The following DCDC2C variants were observed in gnomAD, a reference collection of about 807,000 sequenced individuals.
DCDC2C encodes the protein doublecortin domain containing 2C.
In DCDC2C, 44 loss-of-function variants were observed where a neutral mutation model predicts 45.0. The ratio of observed to expected loss-of-function variants is 0.98; its 90% CI spans 0.77 to 1.26. The LOEUF (loss-of-function observed/expected upper bound fraction) is 1.26. DCDC2C is among the 50% of genes most tolerant of loss of function. DCDC2C has a pLI of 0.00. For missense variants in DCDC2C, 447 were observed against 468.9 expected (o/e 0.95, Z 0.43); for synonymous variants, 187 against 178.8 (o/e 1.05, Z -0.37).
intron 10 of DCDC2C, among the ~76,000 whole-genome samples, chr2:3,819,984 G>C (rs1572640746): frequency 6.6e-6 from 1 of 152,276 alleles, no homozygotes; most frequent in South Asian, 2.1e-4. Flanking sequence ...GGAGGCAAGA[G>C]GTCAGATGGG....
intron 10 of DCDC2C, among the ~76,000 whole-genome samples, chr2:3,815,294 G>T (rs982823767): frequency 6.6e-6 from 1 of 152,200 alleles, no homozygotes; most frequent in African/African-American, 2.4e-5. Flanking sequence ...CCCCTGCCCT[G>T]TGTGGCTCTC....
At chr2:3,835,581 TG>T (rs141843521) in intron 10 of DCDC2C, among the ~76,000 whole-genome samples, 341 of 152,346 alleles carry the variant, frequency 2.2e-3, no homozygotes, top group African/African-American at 7.9e-3. Context: ...TAATCATTTT[TG>T]AATATTTGAG....
At chr2:3,754,475 C>T (rs2038002804) in intron 5 of DCDC2C, 117 bp from the exon 6 acceptor site, 2 of 951,938 alleles carry the variant, frequency 2.1e-6, no homozygotes, top group South Asian at 3.4e-5. Context: ...CCTCTGTGGA[C>T]AGCTTGCTCC....
chr2:3,772,685 A>ACTTTT (rs10649965), intron 8 of DCDC2C, among the ~76,000 whole-genome samples: 72,628 of 151,782 alleles, frequency 0.48, 17,616 homozygotes, highest in East Asian at 0.67. Context: ...GAATGTTCTC[A>ACTTTT]CTTGTTCAGC....
chr2:3,766,629 C>T (rs1330965954), intron 6 of DCDC2C, among the ~76,000 whole-genome samples: 1 of 152,102 alleles, frequency 6.6e-6, no homozygotes, highest in Non-Finnish European at 1.5e-5. Context: ...AGATTGAAAA[C>T]CTGGCAGTTT....
chr2:3,834,723 C>G (rs1378830559), intron 10 of DCDC2C, among the ~76,000 whole-genome samples: 3 of 152,158 alleles, frequency 2.0e-5, no homozygotes, highest in Non-Finnish European at 4.4e-5. Context: ...AAGCAAGTGA[C>G]TAGTTGCCGG....
Position 3,774,637 on chromosome 2 carries a change from C to T in DCDC2C, c.955-4179C>T, listed in dbSNP as rs1201907815. On this transcript the variant is annotated intron_variant, in intron 8 of 10. Coordinates refer to ENST00000399143, the MANE Select transcript of DCDC2C (RefSeq NM_001287444.2). ...AAAGCTGCCGCGTGTCTATGCCTCT[C>T]TTGTCCCTAGCCAGGGAGAGGTGAT... Among the ~76,000 whole-genome samples the T allele has an allele frequency of 2.6e-5, 4 of 152,246 alleles. No homozygotes were observed. The East Asian group carries it at 7.7e-4, about 29-fold the overall frequency.
intron 10 of DCDC2C, among the ~76,000 whole-genome samples, chr2:3,846,170 GTCA>G (rs1672323938): frequency 6.7e-6 from 1 of 149,008 alleles, no homozygotes; most frequent in South Asian, 2.1e-4. Flanking sequence ...CTTCTTCTTC[GTCA>G]TCTTCTTCCT....
chr2:3,747,284 C>T (rs956968753), intron 4 of DCDC2C, among the ~76,000 whole-genome samples: 2 of 152,128 alleles, frequency 1.3e-5, no homozygotes, highest in Non-Finnish European at 2.9e-5. Context: ...ATCGTGGGCA[C>T]AAATGTCCCT....
At chr2:3,794,688 C>T (rs1405181256) in intron 10 of DCDC2C, among the ~76,000 whole-genome samples, 1 of 152,230 alleles carries the variant, frequency 6.6e-6, no homozygotes, top group African/African-American at 2.4e-5. Flanking sequence ...CTACAAAGGA[C>T]ATGAACTCAT....
At position 3,786,778 on chromosome 2, in the gene DCDC2C, T is replaced by G. The variant is rs1325238532; in HGVS notation, c.1065+1678T>G. 3.3e-5 allele frequency among the ~76,000 whole-genome samples: 5 copies of G among 152,376 alleles called. No homozygotes were observed. The South Asian group carries it at 1.0e-3, about 32-fold the overall frequency. ...GCTGGAGGAGCGCTAAATTCCTGTT[T>G]TAGCTTTTCCACTAACTTGCTAGGT... On this transcript the variant is annotated intron_variant, in intron 10 of 10. Transcript: ENST00000399143.
intron 10 of DCDC2C, among the ~76,000 whole-genome samples, chr2:3,817,867 T>C (rs1049329723): frequency 2.0e-5 from 3 of 152,154 alleles, no homozygotes; most frequent in African/African-American, 7.2e-5. Context: ...GTTTATATAA[T>C]GGTTTAGTCA....
At chr2:3,716,455 G>A (rs902411839) in intron 2 of DCDC2C, among the ~76,000 whole-genome samples, 6 of 152,186 alleles carry the variant, frequency 3.9e-5, no homozygotes, top group Non-Finnish European at 8.8e-5. Context: ...ACTGAGATGG[G>A]ACCATTGGAT....
At chr2:3,825,861 C>T (rs1254300133) in intron 10 of DCDC2C, among the ~76,000 whole-genome samples, 1 of 152,186 alleles carries the variant, frequency 6.6e-6, no homozygotes, top group East Asian at 1.9e-4. Context: ...AGTGCATTCA[C>T]ATCTTCAGTG....
chr2:3,774,397 G>C (rs1670271204), intron 8 of DCDC2C, among the ~76,000 whole-genome samples: 1 of 152,252 alleles, frequency 6.6e-6, no homozygotes, highest in African/African-American at 2.4e-5. Context: ...GAGAGGCTCT[G>C]GGGTTGGCCC....
chr2:3,763,621 C>T (rs1031481478), intron 6 of DCDC2C, among the ~76,000 whole-genome samples: 2 of 152,192 alleles, frequency 1.3e-5, no homozygotes, highest in African/African-American at 2.4e-5. Flanking sequence ...GCTTTCTTCT[C>T]TCCCTGGAAT....
chr2:3,704,071 G>T (rs1667958514), intron 1 of DCDC2C, 33 bp downstream of exon 1: 1 of 1,239,528 alleles, frequency 8.1e-7, no homozygotes, highest in Non-Finnish European at 1.0e-6. Flanking sequence ...CGCGCCCTGC[G>T]CCCCTCCCCG....
rs114406336 is a variant in DCDC2C, at chr2:3,743,149, A to C, written c.545+1101A>C. Among the ~76,000 whole-genome samples, 335 of 152,330 alleles carry C rather than the reference A, an allele frequency of 2.2e-3. 2 individuals carry two copies. The highest frequency in any genetic ancestry group is 7.7e-3 in the African/African-American group (322 of 41,566). On this transcript the variant is annotated intron_variant, in intron 4 of 10. Coordinates refer to ENST00000399143, the MANE Select transcript of DCDC2C (RefSeq NM_001287444.2). ...ACTTCACGTGAAAAACTGCAGCAAG[A>C]GCTAAAGAAGGTCACCACATTAGGT...
chr2:3,797,200 A>G (rs1312790053), intron 10 of DCDC2C, among the ~76,000 whole-genome samples: 11 of 152,070 alleles, frequency 7.2e-5, no homozygotes, highest in African/African-American at 2.4e-4. Context: ...GTATTTCTGT[A>G]GGATTGGTGG....
Sources: allele counts gnomAD v4.1 joint callset (sites outside exome capture counted in the v4.1 genomes callset), GRCh38; gene constraint gnomAD v4.1.1; transcripts MANE v1.5; gene names NCBI Gene and HGNC (gene_info 2026-07-23, HGNC 2026-07-21).